The following ARMC9 variants were observed in gnomAD, a reference collection of about 807,000 sequenced individuals.
ARMC9 encodes the protein armadillo repeat containing 9.
Under a neutral mutation model 107.0 loss-of-function variants are expected in ARMC9, and 94 were observed. That is an observed-to-expected ratio of 0.88 (90% CI 0.74 to 1.04). The LOEUF (loss-of-function observed/expected upper bound fraction) is 1.04, where lower values mean the gene tolerates loss of function less well. Among genes scored for constraint, ARMC9 ranks in the 50% least tolerant of loss-of-function variants. The probability of loss-of-function intolerance (pLI) is 0.00; values close to 1 mark genes in which losing one functional copy is unlikely to be tolerated. For missense variants in ARMC9, 942 were observed against 1,030.1 expected, an observed-to-expected ratio of 0.91 and a Z score of 1.17; for synonymous variants, 380 against 396.9, an observed-to-expected ratio of 0.96 and a Z score of 0.51.
At chr2:231,286,190 AC>A (rs1364357976) in intron 17 of ARMC9, among the ~76,000 whole-genome samples, 3 of 151,930 alleles carry the variant, frequency 2.0e-5, no homozygotes, top group Admixed American at 2.0e-4. Flanking sequence ...ATCTCGGCTT[AC>A]TGTAACCTCC....
At chr2:231,305,859 T>C (rs2042009207) in intron 19 of ARMC9, among the ~76,000 whole-genome samples, 1 of 152,216 alleles carries the variant, frequency 6.6e-6, no homozygotes, top group African/African-American at 2.4e-5. Context: ...GTTCAATTTC[T>C]CACTTTTAAA....
Position 231,263,752 on chromosome 2 carries a change from A to G in ARMC9, c.1119+1354A>G, listed in dbSNP as rs183793519. Among the ~76,000 whole-genome samples the G allele has an allele frequency of 4.1e-3, 623 of 152,330 alleles. 8 individuals are homozygous for G. The highest frequency in any genetic ancestry group is 0.013 in the African/African-American group (558 of 41,576). ...GTTCTCATGAATGAGTTAAGTTTGA[A>G]AATAGTCTCTCATATTCTTGACTTA... On this transcript the variant is annotated intron_variant, in intron 12 of 24. Coordinates refer to ENST00000611582, the MANE Select transcript of ARMC9 (RefSeq NM_001352754.2).
intron 16 of ARMC9, among the ~76,000 whole-genome samples, chr2:231,279,642 C>A (rs1036166932): frequency 6.6e-6 from 1 of 151,552 alleles, no homozygotes; most frequent in Non-Finnish European, 1.5e-5. Context: ...TCCCAAGTAG[C>A]TGGGATTACA....
intron 19 of ARMC9, among the ~76,000 whole-genome samples, chr2:231,316,424 G>C (rs1222043735): frequency 1.3e-5 from 2 of 152,006 alleles, no homozygotes; most frequent in African/African-American, 4.8e-5. Context: ...ACCTTGAGAG[G>C]CCGAGGCAGG....
rs566298511 is a variant in ARMC9, at chr2:231,235,525, A to G, written c.780+144A>G. ...TGCTGCTCTATTTCCAAAAGCCAAC[A>G]TGCATGAAGGAGATAAAGCTGATAT... On this transcript the variant is annotated intron_variant, in intron 8 of 24. Coordinates refer to ENST00000611582, the MANE Select transcript of ARMC9 (RefSeq NM_001352754.2). The G allele has an allele frequency of 4.1e-5, 38 of 925,974 alleles. No homozygotes were observed. In the East Asian group the frequency reaches 1.0e-3, roughly 25 times the overall value. The allele number at this position is 925,974 out of a possible 1,614,324, so 57.4% of individuals were successfully genotyped here.
intron 21 of ARMC9, 69 bp downstream of exon 21, chr2:231,345,159 A>G (rs1219879599): frequency 6.4e-7 from 1 of 1,564,676 alleles, no homozygotes; most frequent in African/African-American, 1.4e-5. Flanking sequence ...TGTAAGATGT[A>G]TGTATTTTTA....
intron 12 of ARMC9, among the ~76,000 whole-genome samples, chr2:231,269,137 C>T (rs1338150177): frequency 6.6e-6 from 1 of 152,096 alleles, no homozygotes; most frequent in African/African-American, 2.4e-5. Flanking sequence ...GTTTCTCTCC[C>T]TAGAAGCATA....
intron 19 of ARMC9, among the ~76,000 whole-genome samples, chr2:231,301,633 A>T (rs2041730971): frequency 6.6e-6 from 1 of 151,942 alleles, no homozygotes; most frequent in African/African-American, 2.4e-5. Context: ...TGTTTTAAAG[A>T]TATATTTTTT....
rs2046054374 is a variant in ARMC9, at chr2:231,372,373, A to T, written c.*838A>T. 1 of 152,234 alleles carries T rather than the reference A, an allele frequency of 6.6e-6. No homozygotes were observed. Among genetic ancestry groups the T allele is most frequent in the Non-Finnish European group, 1.5e-5 (1 of 68,088 alleles). 9.4% of individuals were successfully genotyped at this position (152,234 alleles called of 1,614,324 possible). ...GACAGAGCGAGACTCCGTCCCCAAAAAAAAAATTCTGAGAATATGGTGTGT... is the reference window on the plus strand; with the variant it reads ...GACAGAGCGAGACTCCGTCCCCAAATAAAAAATTCTGAGAATATGGTGTGT... On this transcript the variant is annotated 3_prime_UTR_variant, in exon 25 of 25. Transcript: ENST00000611582.
At chr2:231,337,420 C>G (rs183281479) in intron 20 of ARMC9, among the ~76,000 whole-genome samples, 1 of 147,394 alleles carries the variant, frequency 6.8e-6, no homozygotes, top group African/African-American at 2.5e-5. Context: ...CCTCAGCCTC[C>G]TGAGTAGCTG....
chr2:231,232,183 G>A (rs1197835068), intron 7 of ARMC9, among the ~76,000 whole-genome samples: 1 of 151,024 alleles, frequency 6.6e-6, no homozygotes, highest in Non-Finnish European at 1.5e-5. Flanking sequence ...GCGCCACCAC[G>A]CCCGGCTAAT....
At chr2:231,207,503 TCTCA>T (rs1208878226) in intron 2 of ARMC9, among the ~76,000 whole-genome samples, 4 of 150,504 alleles carry the variant, frequency 2.7e-5, no homozygotes, top group African/African-American at 7.3e-5. Context: ...TGAGATGGAG[TCTCA>T]CTCTGTCGCC....
At chr2:231,293,505 T>C (rs1458669403) in intron 18 of ARMC9, among the ~76,000 whole-genome samples, 3 of 152,182 alleles carry the variant, frequency 2.0e-5, no homozygotes, top group Non-Finnish European at 4.4e-5. Flanking sequence ...AGAAGCAGGG[T>C]GCAGGCCCCC....
intron 19 of ARMC9, among the ~76,000 whole-genome samples, chr2:231,302,944 C>T (rs2041844283): frequency 6.6e-6 from 1 of 152,158 alleles, no homozygotes; most frequent in African/African-American, 2.4e-5. Context: ...GCGGAGATTG[C>T]AGTGAGCCAA....
chr2:231,272,908 T>C (rs1166880171), intron 13 of ARMC9, 47 bp from the exon 14 acceptor site: 1 of 1,597,300 alleles, frequency 6.3e-7, no homozygotes, highest in Non-Finnish European at 8.5e-7. Context: ...GCATACCAGA[T>C]AAATTATTTC....
At chr2:231,213,163 T>G (rs183561513) in intron 3 of ARMC9, among the ~76,000 whole-genome samples, 2 of 144,166 alleles carry the variant, frequency 1.4e-5, no homozygotes, top group African/African-American at 5.4e-5. Context: ...AAACGTTTTT[T>G]CTTTTTTTTT....
At chr2:231,347,746 AC>A (rs1392116021) in intron 21 of ARMC9, among the ~76,000 whole-genome samples, 1 of 152,216 alleles carries the variant, frequency 6.6e-6, no homozygotes, top group Non-Finnish European at 1.5e-5. Context: ...CTATTTTGAC[AC>A]ATTGTCCAGT....
chr2:231,349,278 A>G (rs751946993), intron 21 of ARMC9, among the ~76,000 whole-genome samples: 24 of 152,344 alleles, frequency 1.6e-4, no homozygotes, highest in Non-Finnish European at 2.8e-4. Context: ...GTCATTTGCA[A>G]AACATGGATG....
intron 12 of ARMC9, among the ~76,000 whole-genome samples, chr2:231,265,486 A>G (rs2038777804): frequency 6.6e-6 from 1 of 152,186 alleles, no homozygotes; most frequent in Admixed American, 6.5e-5. Flanking sequence ...AAGTGGGGTA[A>G]CTCAGGAATG....
Sources: gnomAD v4.1 joint callset for allele counts (sites outside exome capture counted in the v4.1 genomes callset) on GRCh38, gnomAD v4.1.1 for gene constraint, MANE v1.5 for transcripts, NCBI Gene and HGNC (gene_info 2026-07-23, HGNC 2026-07-21) for gene names.